The following ATRN variants were observed in gnomAD, a reference collection of about 807,000 sequenced individuals.
The protein encoded by ATRN is attractin.
Under a neutral mutation model 178.7 loss-of-function variants are expected in ATRN, and 54 were observed. The ratio of observed to expected loss-of-function variants is 0.30; its 90% confidence interval spans 0.24 to 0.38. ATRN has a LOEUF of 0.38. Among genes scored for constraint, ATRN ranks in the 10% least tolerant of loss-of-function variants. The pLI is 1.00. For synonymous variants in ATRN, 636 were observed against 663.0 expected (o/e 0.96, Z 0.63); for missense variants, 1,443 against 1,815.1 (o/e 0.79, Z 3.73).
intron 27 of ATRN, among the ~76,000 whole-genome samples, chr20:3,643,767 G>A (rs891404552): frequency 1.1e-4 from 17 of 152,212 alleles, no homozygotes; most frequent in African/African-American, 4.1e-4. Context: ...TTTGAGCCAG[G>A]TATGCAGAAC....
chr20:3,591,023 T>C (rs2086434411), intron 18 of ATRN, 146 bp from the exon 19 acceptor site: 2 of 861,048 alleles, frequency 2.3e-6, no homozygotes, highest in Admixed American at 3.0e-5. Flanking sequence ...TTTTATCTTA[T>C]TTCTCAAATT....
chr20:3,603,284 C>G (rs1004201228), intron 23 of ATRN, among the ~76,000 whole-genome samples: 2 of 152,150 alleles, frequency 1.3e-5, no homozygotes, highest in African/African-American at 4.8e-5. Flanking sequence ...ATCAGCATTA[C>G]TGGCATGGGA....
chr20:3,555,513 T>A (rs1303074328), intron 6 of ATRN, among the ~76,000 whole-genome samples: 2 of 151,612 alleles, frequency 1.3e-5, no homozygotes, highest in African/African-American at 4.9e-5. Context: ...AACTCAGAGC[T>A]TCTATTTAAA....
At chr20:3,642,435 G>A (rs2087076495) in intron 27 of ATRN, among the ~76,000 whole-genome samples, 2 of 152,184 alleles carry the variant, frequency 1.3e-5, no homozygotes, top group Admixed American at 6.5e-5. Context: ...GGCCAAAATC[G>A]TGGAATTGTT....
intron 6 of ATRN, among the ~76,000 whole-genome samples, chr20:3,552,193 C>T (rs987814393): frequency 6.6e-6 from 1 of 152,078 alleles, no homozygotes; most frequent in African/African-American, 2.4e-5. Context: ...GATGTCAGAC[C>T]AGGGCTTAAC....
intron 1 of ATRN, among the ~76,000 whole-genome samples, chr20:3,487,673 A>G (rs2084714703): frequency 6.6e-6 from 1 of 152,066 alleles, no homozygotes; most frequent in South Asian, 2.1e-4. Context: ...AGAGTTTGTG[A>G]TTACTTCTTC....
chr20:3,582,377 TG>T, intron 16 of ATRN, 23 bp downstream of exon 16: 1 of 1,604,584 alleles, frequency 6.2e-7, no homozygotes. Flanking sequence ...GTGAATTAGG[TG>T]GTATTCAGAG....
At chr20:3,526,067 A>C (rs1239974541) in intron 1 of ATRN, among the ~76,000 whole-genome samples, 1 of 152,204 alleles carries the variant, frequency 6.6e-6, no homozygotes, top group Admixed American at 6.5e-5. Flanking sequence ...AGACAAGAGA[A>C]AGAAATAAAG....
At chr20:3,486,078 A>G (rs577798097) in intron 1 of ATRN, among the ~76,000 whole-genome samples, 11 of 152,232 alleles carry the variant, frequency 7.2e-5, no homozygotes, top group South Asian at 2.1e-4. Context: ...TTTTTTTCCA[A>G]TGTCTTCTGA....
chr20:3,608,405 A>G (rs1415275054), intron 24 of ATRN, among the ~76,000 whole-genome samples: 1 of 152,182 alleles, frequency 6.6e-6, no homozygotes, highest in East Asian at 1.9e-4. Context: ...AGAGGGGCCT[A>G]GTGTTATTTT....
chr20:3,643,618 C>G (rs2087085805), intron 27 of ATRN, among the ~76,000 whole-genome samples: 1 of 152,142 alleles, frequency 6.6e-6, no homozygotes, highest in South Asian at 2.1e-4. Context: ...CAAATGCATC[C>G]AGAGAGTAGA....
chr20:3,483,140 T>C (rs1370280419), intron 1 of ATRN, among the ~76,000 whole-genome samples: 1 of 152,170 alleles, frequency 6.6e-6, no homozygotes, highest in Non-Finnish European at 1.5e-5. Context: ...CAGAGAGATA[T>C]TTCTGCAAAC....
At position 3,604,108 on chromosome 20, in the gene ATRN, G is replaced by T. The variant is rs1338146565; in HGVS notation, c.3647G>T (p.Gly1216Val). The change falls in exon 24 of 29, where the codon GGA becomes GTA. Residue 1216 changes from glycine (G) to valine (V), a missense_variant. Gly to Val is a moderately radical substitution (Grantham distance 109, BLOSUM62 -3). Transcript: ENST00000262919. Reference sequence around the variant, plus strand: ...TTTCATGTTTTTCTTTTAACAGCTGGAACCCAGGCTGGAGAAGAGATGCCT... The same window carrying T: ...TTTCATGTTTTTCTTTTAACAGCTGTAACCCAGGCTGGAGAAGAGATGCCT... ...NITWAASFSA[G>V]TQAGEEMPVV... 1 of 1,577,410 alleles carries T rather than the reference G, an allele frequency of 6.3e-7. No individual in the cohort carries two copies. Among genetic ancestry groups the T allele is most frequent in the East Asian group, 2.2e-5 (1 of 44,576 alleles).
chr20:3,511,411 C>T (rs1317440114), intron 1 of ATRN, among the ~76,000 whole-genome samples: 3 of 149,962 alleles, frequency 2.0e-5, no homozygotes, highest in Non-Finnish European at 3.0e-5. Context: ...CAGACACTGA[C>T]AAAATCAGGA....
intron 1 of ATRN, among the ~76,000 whole-genome samples, chr20:3,486,305 C>T (rs932289846): frequency 8.5e-5 from 13 of 152,182 alleles, no homozygotes; most frequent in African/African-American, 3.1e-4. Context: ...ATGCCTTCCC[C>T]TCCTCCCACC....
chr20:3,545,054 G>A (rs238688), intron 3 of ATRN, among the ~76,000 whole-genome samples: 37,734 of 151,818 alleles, frequency 0.25, 5,127 homozygotes, highest in African/African-American at 0.29. Context: ...TAGCTTCTTC[G>A]TATTCTTATA....
rs887502494 is a variant in ATRN, at chr20:3,647,005, T to A, written c.*158T>A. The A allele has an allele frequency of 4.0e-6, 4 of 989,526 alleles. No individual in the cohort carries two copies. The highest frequency in any genetic ancestry group is 5.6e-6 in the Non-Finnish European group (4 of 709,248). The allele number at this position is 989,526 out of a possible 1,614,324, so 61.3% of individuals were successfully genotyped here. A position where few individuals can be genotyped will look rare whatever the true frequency, so the allele number is the denominator to read the frequency against. On this transcript the variant is annotated 3_prime_UTR_variant, in exon 29 of 29. Coordinates refer to ENST00000262919, the MANE Select transcript of ATRN (RefSeq NM_139321.3). ...CACCTGCATGATCACAAGCTTTCTT[T>A]GACGGTTTCTCCCATCCGTGTTCCA... is the stretch of plus-strand genomic sequence containing the variant.
At chr20:3,584,191 G>A in intron 17 of ATRN, 108 bp downstream of exon 17, 2 of 1,235,198 alleles carry the variant, frequency 1.6e-6, no homozygotes, top group Non-Finnish European at 2.3e-6. Flanking sequence ...AACAAGACTG[G>A]ACATGACCTC....
intron 1 of ATRN, among the ~76,000 whole-genome samples, chr20:3,495,813 C>G (rs1356674465): frequency 6.6e-6 from 1 of 150,946 alleles, no homozygotes; most frequent in Non-Finnish European, 1.5e-5. Flanking sequence ...GTATTGTACA[C>G]TGTCATTTTT....
Sources: gnomAD v4.1 joint callset for allele counts (sites outside exome capture counted in the v4.1 genomes callset) on GRCh38, gnomAD v4.1.1 for gene constraint, MANE v1.5 for transcripts, NCBI Gene and HGNC (gene_info 2026-07-23, HGNC 2026-07-21) for gene names.